The following PLCB4 variants were observed in gnomAD, a reference collection of about 807,000 sequenced individuals.
PLCB4 encodes phospholipase C beta 4, also known as 1-phosphatidylinositol 4,5-bisphosphate phosphodiesterase beta-4.
Under a neutral mutation model 178.8 loss-of-function variants are expected in PLCB4, and 77 were observed. The ratio of observed to expected loss-of-function variants is 0.43; its 90% CI spans 0.36 to 0.52. The LOEUF (loss-of-function observed/expected upper bound fraction) is 0.52. Among genes scored for constraint, PLCB4 ranks in the 20% least tolerant of loss-of-function variants. PLCB4 has a pLI of 0.00. For missense variants in PLCB4, 1,024 were observed against 1,453.4 expected (o/e 0.70, Z 4.80); for synonymous variants, 496 against 490.8 (o/e 1.01, Z -0.14).
intron 3 of PLCB4, among the ~76,000 whole-genome samples, chr20:9,244,004 A>G (rs1164646475): frequency 6.6e-6 from 1 of 152,192 alleles, no homozygotes; most frequent in Non-Finnish European, 1.5e-5. Context: ...AGAGGTTGTT[A>G]TGGCCAGAAG....
intron 1 of PLCB4, among the ~76,000 whole-genome samples, chr20:9,074,048 A>G (rs143736073): frequency 6.6e-6 from 1 of 152,210 alleles, no homozygotes; most frequent in African/African-American, 2.4e-5. Context: ...GTGGGTTTGC[A>G]TTGAGCAGTG....
At chr20:9,365,916 T>A (rs2035738582) in intron 9 of PLCB4, among the ~76,000 whole-genome samples, 2 of 152,190 alleles carry the variant, frequency 1.3e-5, no homozygotes, top group Non-Finnish European at 1.5e-5. Flanking sequence ...AGAAGTGTGA[T>A]GCCTCTGAAC....
intron 2 of PLCB4, among the ~76,000 whole-genome samples, chr20:9,101,649 A>AT (rs1437747222): frequency 2.6e-5 from 4 of 151,938 alleles, no homozygotes; most frequent in African/African-American, 9.7e-5. Flanking sequence ...ATTAGCTGAC[A>AT]TTTTTTCATT....
chr20:9,192,044 C>T (rs2093411709), intron 2 of PLCB4, among the ~76,000 whole-genome samples: 1 of 152,090 alleles, frequency 6.6e-6, no homozygotes, highest in South Asian at 2.1e-4. Context: ...GAAATAGATC[C>T]TGAGACCTTT....
chr20:9,103,684 C>T (rs918878039), intron 2 of PLCB4, among the ~76,000 whole-genome samples: 10 of 152,070 alleles, frequency 6.6e-5, no homozygotes, highest in Admixed American at 2.0e-4. Context: ...GTTAAATCCC[C>T]GAAGGTTGTC....
rs149869236 is a variant in PLCB4, at chr20:9,295,052, C to G, written c.-15-12748C>G. Among the ~76,000 whole-genome samples the G allele has an allele frequency of 1.2e-3, 178 of 152,274 alleles. 1 individual carries two copies. Among genetic ancestry groups the G allele is most frequent in the African/African-American group, 4.0e-3 (165 of 41,572 alleles). On this transcript the variant is annotated intron_variant, in intron 3 of 39. Coordinates refer to ENST00000378473, the MANE Select transcript of PLCB4 (RefSeq NM_001377142.1). ...CTGGAACCCCAGGACTTTTTAAAGA[C>G]TAGGGTCCTCTGTGACCAGGAAGCC...
chr20:9,366,788 C>T (rs996746664), intron 9 of PLCB4, among the ~76,000 whole-genome samples: 2 of 152,204 alleles, frequency 1.3e-5, no homozygotes, highest in Non-Finnish European at 2.9e-5. Context: ...CATGGGTTCC[C>T]CAGATGCCAA....
At chr20:9,098,117 C>A (rs1568743276) in intron 2 of PLCB4, among the ~76,000 whole-genome samples, 2 of 151,918 alleles carry the variant, frequency 1.3e-5, no homozygotes, top group Non-Finnish European at 2.9e-5. Flanking sequence ...TAAATGTTTT[C>A]TTTTTTTTCT....
intron 38 of PLCB4, among the ~76,000 whole-genome samples, chr20:9,473,954 C>T (rs1258157454): frequency 1.3e-5 from 2 of 152,124 alleles, no homozygotes; most frequent in Admixed American, 1.3e-4. Flanking sequence ...GCAGTGGGCT[C>T]ATGCCTGTAA....
At chr20:9,257,703 T>C (rs902041225) in intron 3 of PLCB4, among the ~76,000 whole-genome samples, 2 of 152,104 alleles carry the variant, frequency 1.3e-5, no homozygotes, top group African/African-American at 2.4e-5. Context: ...CCTTTTGGCT[T>C]CGAGATCTTT....
chr20:9,476,161 A>T (rs971022680), intron 38 of PLCB4, among the ~76,000 whole-genome samples: 2 of 152,152 alleles, frequency 1.3e-5, no homozygotes, highest in Non-Finnish European at 2.9e-5. Context: ...AGGCGTCAGT[A>T]TGTTTTGGTC....
intron 14 of PLCB4, 122 bp from the exon 15 acceptor site, chr20:9,387,341 T>C: frequency 3.5e-6 from 2 of 569,922 alleles, no homozygotes; most frequent in Non-Finnish European, 6.2e-6. Flanking sequence ...ATAATCAGGT[T>C]ACTTAATTTA....
intron 2 of PLCB4, among the ~76,000 whole-genome samples, chr20:9,172,321 C>T (rs1224997711): frequency 1.3e-5 from 2 of 152,136 alleles, no homozygotes; most frequent in Admixed American, 6.6e-5. Context: ...AGCCAATTCC[C>T]TGTTGAGTGG....
chr20:9,416,509 T>C (rs1333135044), intron 25 of PLCB4, among the ~76,000 whole-genome samples: 3 of 152,182 alleles, frequency 2.0e-5, no homozygotes. Context: ...CCCCTCACAG[T>C]CTGTGTCGGT....
At chr20:9,198,631 G>T (rs575139555) in intron 2 of PLCB4, among the ~76,000 whole-genome samples, 1 of 152,282 alleles carries the variant, frequency 6.6e-6, no homozygotes, top group South Asian at 2.1e-4. Flanking sequence ...TAAATGTAGG[G>T]CTTTGTGCTA....
At chr20:9,083,039 C>T (rs973305708) in intron 1 of PLCB4, among the ~76,000 whole-genome samples, 24 of 152,254 alleles carry the variant, frequency 1.6e-4, no homozygotes, top group Admixed American at 1.4e-3. Context: ...GGAATCCACT[C>T]CTTAATTAAG....
chr20:9,271,422 T>A (rs1001954553), intron 3 of PLCB4, among the ~76,000 whole-genome samples: 2 of 152,112 alleles, frequency 1.3e-5, no homozygotes, highest in Non-Finnish European at 2.9e-5. Flanking sequence ...TAGTTACCAT[T>A]CCCAGGATTT....
intron 3 of PLCB4, among the ~76,000 whole-genome samples, chr20:9,241,373 C>T (rs756023280): frequency 7.7e-5 from 11 of 142,468 alleles, no homozygotes; most frequent in Non-Finnish European, 1.6e-4. Flanking sequence ...ATGGTAACAA[C>T]AGAGGCATGC....
At chr20:9,114,169 A>C (rs2091699494) in intron 2 of PLCB4, among the ~76,000 whole-genome samples, 1 of 152,166 alleles carries the variant, frequency 6.6e-6, no homozygotes, top group Non-Finnish European at 1.5e-5. Flanking sequence ...AGCTGAGATC[A>C]TGCCATTGCA....
Sources: gnomAD v4.1 joint callset for allele counts (sites outside exome capture counted in the v4.1 genomes callset) on GRCh38, gnomAD v4.1.1 for gene constraint, MANE v1.5 for transcripts, NCBI Gene and HGNC (gene_info 2026-07-23, HGNC 2026-07-21) for gene names.